The following ENTREP2 variants were observed in gnomAD, a reference collection of about 807,000 sequenced individuals.
ENTREP2 encodes endosomal transmembrane epsin interactor 2.
the ENTREP2 span, among the ~76,000 whole-genome samples, chr15:29,552,190 A>G: frequency 0.011 from 1,682 of 152,318 alleles, 33 homozygotes; most frequent in African/African-American, 0.038. Flanking sequence ...AGGCGGCCTG[A>G]GATTTAAAGT....
At chr15:29,310,479 G>C in the ENTREP2 span, among the ~76,000 whole-genome samples, 1 of 152,162 alleles carries the variant, frequency 6.6e-6, no homozygotes, top group African/African-American at 2.4e-5. Context: ...ACCTAGCAAG[G>C]ATGTGCTCAG....
chr15:29,255,127 T>C, the ENTREP2 span, among the ~76,000 whole-genome samples: 1 of 152,206 alleles, frequency 6.6e-6, no homozygotes, highest in Non-Finnish European at 1.5e-5. Flanking sequence ...CTTACAGTTT[T>C]CTACCCAAGA....
the ENTREP2 span, among the ~76,000 whole-genome samples, chr15:29,153,224 G>A: frequency 2.6e-5 from 4 of 151,536 alleles, no homozygotes; most frequent in African/African-American, 9.7e-5. Flanking sequence ...TAGGTGGTTT[G>A]CAAATATTTT....
the ENTREP2 span, among the ~76,000 whole-genome samples, chr15:29,658,787 A>T: frequency 6.6e-6 from 1 of 152,190 alleles, no homozygotes; most frequent in South Asian, 2.1e-4. Context: ...AAGGACTATA[A>T]AAAAAACTTT....
At chr15:29,407,040 C>T in the ENTREP2 span, among the ~76,000 whole-genome samples, 184 of 152,316 alleles carry the variant, frequency 1.2e-3, no homozygotes, top group African/African-American at 4.3e-3. Context: ...TACACAGTCA[C>T]ACATGATTTA....
At chr15:29,211,506 A>C in the ENTREP2 span, among the ~76,000 whole-genome samples, 1 of 152,184 alleles carries the variant, frequency 6.6e-6, no homozygotes, top group Non-Finnish European at 1.5e-5. Flanking sequence ...CTAGGACTTC[A>C]GTAGTGTGTT....
the ENTREP2 span, among the ~76,000 whole-genome samples, chr15:29,443,746 C>A: frequency 6.6e-6 from 1 of 151,860 alleles, no homozygotes; most frequent in Non-Finnish European, 1.5e-5. Flanking sequence ...AGAGGGGTGC[C>A]CATGAGGCAA....
chr15:29,569,825 GA>G, the ENTREP2 span: 7 of 152,630 alleles, frequency 4.6e-5, no homozygotes, highest in Non-Finnish European at 1.0e-4. Flanking sequence ...CTGGAGCTCA[GA>G]AAGCACGCCG....
At chr15:29,608,819 G>A in the ENTREP2 span, among the ~76,000 whole-genome samples, 48 of 151,170 alleles carry the variant, frequency 3.2e-4, no homozygotes, top group Non-Finnish European at 6.3e-4. Context: ...CGCCCGCCTC[G>A]GCCTCCTAAA....
At chr15:29,379,687 A>T in the ENTREP2 span, among the ~76,000 whole-genome samples, 1 of 152,014 alleles carries the variant, frequency 6.6e-6, no homozygotes, top group Admixed American at 6.6e-5. Context: ...CCACCACCAT[A>T]AGGGGTCCTA....
chr15:29,410,126 T>A, the ENTREP2 span, among the ~76,000 whole-genome samples: 2 of 149,078 alleles, frequency 1.3e-5, no homozygotes, highest in Non-Finnish European at 2.9e-5. Flanking sequence ...TGTCTCTTTG[T>A]TTGTATGTTT....
the ENTREP2 span, among the ~76,000 whole-genome samples, chr15:29,218,023 G>C: frequency 6.6e-6 from 1 of 152,036 alleles, no homozygotes; most frequent in Non-Finnish European, 1.5e-5. Context: ...CTGTCTTCTG[G>C]GTCTGGCCAC....
chr15:29,186,092 A>G, the ENTREP2 span, among the ~76,000 whole-genome samples: 966 of 152,204 alleles, frequency 6.3e-3, 6 homozygotes, highest in Non-Finnish European at 0.01. Context: ...CTGTTTGGAC[A>G]CTAGAGTGAC....
chr15:29,118,736 C>T, the ENTREP2 span, among the ~76,000 whole-genome samples: 2 of 152,236 alleles, frequency 1.3e-5, no homozygotes. Flanking sequence ...CCCATCCCAG[C>T]ACCCTGTCTG....
chr15:29,414,778 A>G, the ENTREP2 span, among the ~76,000 whole-genome samples: 6 of 152,316 alleles, frequency 3.9e-5, no homozygotes, highest in East Asian at 1.2e-3. Context: ...GAAAAGAGAG[A>G]AGAATCAAAT....
the ENTREP2 span, among the ~76,000 whole-genome samples, chr15:29,248,758 C>A: frequency 6.6e-6 from 1 of 151,982 alleles, no homozygotes; most frequent in African/African-American, 2.4e-5. Context: ...TCAGTGCTGG[C>A]AAAGGTGTAG....
At chr15:29,556,421 G>T in the ENTREP2 span, among the ~76,000 whole-genome samples, 1 of 152,124 alleles carries the variant, frequency 6.6e-6, no homozygotes, top group Non-Finnish European at 1.5e-5. Flanking sequence ...AAAGAATTAG[G>T]CAGTCATTCT....
At chr15:29,398,299 A>C in the ENTREP2 span, among the ~76,000 whole-genome samples, 1 of 151,936 alleles carries the variant, frequency 6.6e-6, no homozygotes, top group Non-Finnish European at 1.5e-5. Context: ...AAGAATGAAG[A>C]ACATGGGGGT....
chr15:29,639,255 G>A, the ENTREP2 span, among the ~76,000 whole-genome samples: 3 of 152,112 alleles, frequency 2.0e-5, no homozygotes, highest in Non-Finnish European at 4.4e-5. Flanking sequence ...ATGCTGTCCA[G>A]AAAAAAACTG....
Sources: gnomAD v4.1 joint callset for allele counts (sites outside exome capture counted in the v4.1 genomes callset) on GRCh38, gnomAD v4.1.1 for gene constraint, MANE v1.5 for transcripts, NCBI Gene and HGNC (gene_info 2026-07-23, HGNC 2026-07-21) for gene names.